The following CNTNAP5 variants were observed in gnomAD, a reference collection of about 807,000 sequenced individuals.
The protein encoded by CNTNAP5 is contactin associated protein family member 5, also known as contactin-associated protein-like 5.
A neutral mutation model predicts 150.2 loss-of-function variants in CNTNAP5; 72 were observed. The ratio of observed to expected loss-of-function variants is 0.48; its 90% confidence interval spans 0.40 to 0.58. The LOEUF (loss-of-function observed/expected upper bound fraction) is 0.58. Ranked by LOEUF, CNTNAP5 falls within the 20% of genes least tolerant of loss-of-function variation. The pLI is 0.00. For synonymous variants in CNTNAP5, 672 were observed against 619.8 expected, an observed-to-expected ratio of 1.08 and a Z score of -1.25; for missense variants, 1,636 against 1,626.2, an observed-to-expected ratio of 1.01 and a Z score of -0.10.
chr2:124,242,215 C>T lies in CNTNAP5; in HGVS notation c.203C>T (p.Ser68Phe). 6.3e-7 allele frequency: 1 copy of T among 1,591,388 alleles called. No individual in the cohort carries two copies. Among genetic ancestry groups the T allele is most frequent in the Admixed American group, 1.8e-5 (1 of 56,710 alleles). ...CCTGTTCCAGGAACTGGCGGTTGGT[C>T]CCCAGCAGATTCCAATGCTCAACAG... The part of the protein sequence containing the change: ...LNWRVGTGGW[S>F]PADSNAQQWL... Residue 68 changes from serine to phenylalanine, a missense_variant, in exon 3 of 24, where the codon TCC (serine) becomes TTC (phenylalanine). Transcript: ENST00000682447.
At chr2:124,369,186 C>T (rs905117679) in intron 3 of CNTNAP5, among the ~76,000 whole-genome samples, 2 of 152,102 alleles carry the variant, frequency 1.3e-5, no homozygotes, top group African/African-American at 4.8e-5. Context: ...CTCTACCCAT[C>T]CAATTGTTTC....
At chr2:124,229,962 G>A (rs1254329523) in intron 2 of CNTNAP5, among the ~76,000 whole-genome samples, 5 of 151,638 alleles carry the variant, frequency 3.3e-5, no homozygotes, top group African/African-American at 7.3e-5. Context: ...ATTTTAATCC[G>A]TCTTCCTCAC....
intron 13 of CNTNAP5, among the ~76,000 whole-genome samples, chr2:124,658,095 G>A (rs566104343): frequency 6.6e-6 from 1 of 152,280 alleles, no homozygotes; most frequent in African/African-American, 2.4e-5. Context: ...GTTGTTGAAT[G>A]AATAAAGGGT....
intron 10 of CNTNAP5, among the ~76,000 whole-genome samples, chr2:124,543,264 G>T (rs1011235096): frequency 6.6e-6 from 1 of 151,998 alleles, no homozygotes; most frequent in Non-Finnish European, 1.5e-5. Flanking sequence ...ATAACACAGT[G>T]GAAGGAAGCA....
intron 1 of CNTNAP5, among the ~76,000 whole-genome samples, chr2:124,198,923 T>C (rs191074218): frequency 6.6e-6 from 1 of 152,070 alleles, no homozygotes. Flanking sequence ...GAAAAAACCT[T>C]GCAGGACCAA....
rs74902064 is a variant in CNTNAP5 at position 124,768,456 on chromosome 2, A to G, written c.2533+4309A>G. Among the ~76,000 whole-genome samples the G allele has an allele frequency of 9.8e-3, 1,490 of 152,280 alleles. 33 individuals are homozygous for G. Among genetic ancestry groups the G allele is most frequent in the African/African-American group, 0.033 (1,391 of 41,562 alleles). On this transcript the variant is annotated intron_variant, in intron 16 of 23. Transcript: ENST00000682447. ...GGACACACTATAGTTAGAACCTCAGAAAATAGTACAAATGAATACTACTAA... is the reference window on the plus strand; with the variant it reads ...GGACACACTATAGTTAGAACCTCAGGAAATAGTACAAATGAATACTACTAA...
intron 19 of CNTNAP5, among the ~76,000 whole-genome samples, chr2:124,799,166 G>A (rs1238600639): frequency 6.6e-6 from 1 of 152,062 alleles, no homozygotes; most frequent in Non-Finnish European, 1.5e-5. Context: ...TGCCTAAATT[G>A]CCCATTATTA....
At chr2:124,796,094 T>C (rs1025073952) in intron 18 of CNTNAP5, among the ~76,000 whole-genome samples, 3 of 152,176 alleles carry the variant, frequency 2.0e-5, no homozygotes, top group African/African-American at 7.2e-5. Context: ...TCCAGCTGTA[T>C]TGCTGAATTT....
chr2:124,879,369 G>T (rs918476623), intron 21 of CNTNAP5, among the ~76,000 whole-genome samples: 1 of 152,136 alleles, frequency 6.6e-6, no homozygotes, highest in African/African-American at 2.4e-5. Flanking sequence ...TAGAACTGTG[G>T]TTACCTGAAA....
chr2:124,303,549 T>C (rs2104648635), intron 3 of CNTNAP5, among the ~76,000 whole-genome samples: 1 of 152,334 alleles, frequency 6.6e-6, no homozygotes, highest in East Asian at 1.9e-4. Context: ...AAATTTCTAC[T>C]TCTCTCTGTT....
Position 124,155,629 on chromosome 2 carries a change from C to T in CNTNAP5, c.83-66076C>T, listed in dbSNP as rs558405776. Among the ~76,000 whole-genome samples, 4 of 152,218 alleles carry T rather than the reference C, an allele frequency of 2.6e-5. No individual in the cohort carries two copies. The Middle Eastern group carries it at 0.014, about 518-fold the overall frequency. ...CTTAAACAGCATTTTTCTCTCTTGG[C>T]TAATTTGTTTGAACACCTCAGCTCT... On this transcript the variant is annotated intron_variant, in intron 1 of 23. Coordinates refer to ENST00000682447, the MANE Select transcript of CNTNAP5 (RefSeq NM_001367498.1).
chr2:124,716,782 G>A (rs1285944576), intron 13 of CNTNAP5, among the ~76,000 whole-genome samples: 2 of 152,058 alleles, frequency 1.3e-5, no homozygotes, highest in East Asian at 3.9e-4. Flanking sequence ...GATTTTTCTG[G>A]CATGGTACCT....
intron 3 of CNTNAP5, among the ~76,000 whole-genome samples, chr2:124,308,833 T>G (rs1001494921): frequency 9.9e-5 from 15 of 152,156 alleles, no homozygotes; most frequent in African/African-American, 3.4e-4. Flanking sequence ...TGGGAAGTAG[T>G]AAAAGAATCT....
chr2:124,445,151 G>A lies in CNTNAP5; in HGVS notation c.734-1602G>A, dbSNP rs113188987. ...CTGGCCCAGGCTGGAGTGCAGTGGC[G>A]CGATCTCAGCTCACTGCAACCTCCG... is the stretch of plus-strand genomic sequence containing the variant. On this transcript the variant is annotated intron_variant, in intron 5 of 23. Coordinates refer to ENST00000682447, the MANE Select transcript of CNTNAP5 (RefSeq NM_001367498.1). 2.5e-3 allele frequency among the ~76,000 whole-genome samples: 373 copies of A among 149,656 alleles called. 2 individuals are homozygous for A. The highest frequency in any genetic ancestry group is 8.6e-3 in the African/African-American group (347 of 40,548).
chr2:124,431,457 A>C (rs1283668518), intron 4 of CNTNAP5, among the ~76,000 whole-genome samples: 2 of 150,300 alleles, frequency 1.3e-5, no homozygotes, highest in African/African-American at 4.9e-5. Flanking sequence ...ATGAATATTT[A>C]TATTTACATA....
At chr2:124,419,289 C>T (rs1692020735) in intron 4 of CNTNAP5, among the ~76,000 whole-genome samples, 1 of 151,912 alleles carries the variant, frequency 6.6e-6, no homozygotes, top group Admixed American at 6.6e-5. Flanking sequence ...TCAGTCTGTT[C>T]AGTTGTACTT....
intron 3 of CNTNAP5, among the ~76,000 whole-genome samples, chr2:124,409,166 A>C (rs1691678091): frequency 6.9e-6 from 1 of 144,678 alleles, no homozygotes; most frequent in African/African-American, 2.6e-5. Context: ...GCGAGAAGGG[A>C]AGTTTAGAGA....
chr2:124,305,386 G>A (rs1381840188), intron 3 of CNTNAP5, among the ~76,000 whole-genome samples: 1 of 152,160 alleles, frequency 6.6e-6, no homozygotes, highest in Non-Finnish European at 1.5e-5. Flanking sequence ...AAGGAAGAAT[G>A]AAAATTATCC....
At chr2:124,331,225 A>G (rs1469576355) in intron 3 of CNTNAP5, among the ~76,000 whole-genome samples, 1 of 152,156 alleles carries the variant, frequency 6.6e-6, no homozygotes, top group Admixed American at 6.6e-5. Context: ...TAAAATGACC[A>G]TGGTTGAATA....
Sources: gnomAD v4.1 joint callset for allele counts (sites outside exome capture counted in the v4.1 genomes callset) on GRCh38, gnomAD v4.1.1 for gene constraint, MANE v1.5 for transcripts, NCBI Gene and HGNC (gene_info 2026-07-23, HGNC 2026-07-21) for gene names.